The following CTNND2 variants were observed in gnomAD, a reference collection of about 807,000 sequenced individuals.
The protein encoded by CTNND2 is catenin delta 2.
In CTNND2, 22 loss-of-function variants were observed where a neutral mutation model predicts 144.4. The ratio of observed to expected loss-of-function variants is 0.15; its 90% confidence interval spans 0.11 to 0.22. The LOEUF is 0.22. CTNND2 is among the 10% of genes least tolerant of loss of function. The pLI, the probability that CTNND2 is intolerant of heterozygous loss-of-function variation, is 1.00. For synonymous variants in CTNND2, 751 were observed against 695.6 expected (o/e 1.08, Z -1.25); for missense variants, 1,353 against 1,618.8 (o/e 0.84, Z 2.82).
rs184783932 is a variant in CTNND2 at position 11,460,590 on chromosome 5, G to C, written c.288-48521C>G. Among the ~76,000 whole-genome samples the C allele has an allele frequency of 3.1e-3, 474 of 152,190 alleles. 3 individuals carry two copies. Among genetic ancestry groups the C allele is most frequent in the Non-Finnish European group, 5.0e-3 (338 of 68,010 alleles). Reference sequence around the variant, plus strand: ...CTGTGCATTTCTCTGCTTGTTTTTGGATCTGGCCCTTGCTCAGGCTATTCT... The same window carrying C: ...CTGTGCATTTCTCTGCTTGTTTTTGCATCTGGCCCTTGCTCAGGCTATTCT... On this transcript the variant is annotated intron_variant, in intron 3 of 21. Transcript: ENST00000304623.
chr5:11,158,469 A>C (rs1758437948), intron 12 of CTNND2, among the ~76,000 whole-genome samples: 1 of 152,194 alleles, frequency 6.6e-6, no homozygotes, highest in Non-Finnish European at 1.5e-5. Context: ...TTCGTGACTC[A>C]GACGAAAAGC....
chr5:11,572,587 C>T (rs915879266), intron 2 of CTNND2, among the ~76,000 whole-genome samples: 14 of 152,230 alleles, frequency 9.2e-5, no homozygotes, highest in African/African-American at 3.4e-4. Flanking sequence ...CATCCCTCTG[C>T]TCCACTTCAA....
At chr5:11,031,404 G>A (rs899538969) in intron 16 of CTNND2, among the ~76,000 whole-genome samples, 11 of 152,120 alleles carry the variant, frequency 7.2e-5, no homozygotes, top group African/African-American at 2.7e-4. Flanking sequence ...TGAGGGGTGG[G>A]GGATGGGTAG....
intron 2 of CTNND2, among the ~76,000 whole-genome samples, chr5:11,693,676 T>A (rs1785009456): frequency 6.6e-6 from 1 of 152,234 alleles, no homozygotes; most frequent in African/African-American, 2.4e-5. Flanking sequence ...GCTCCATAAA[T>A]ATTTGGAGAA....
intron 3 of CTNND2, among the ~76,000 whole-genome samples, chr5:11,506,711 A>C (rs1771076347): frequency 6.6e-6 from 1 of 152,210 alleles, no homozygotes; most frequent in African/African-American, 2.4e-5. Context: ...TTTATTGTAA[A>C]CACTATGAGG....
chr5:11,525,820 C>G (rs1389642525), intron 3 of CTNND2, among the ~76,000 whole-genome samples: 9 of 152,244 alleles, frequency 5.9e-5, no homozygotes, highest in Admixed American at 5.9e-4. Context: ...TGGTGGCCAC[C>G]TGGTACCCTG....
At chr5:11,678,615 G>A (rs1027133618) in intron 2 of CTNND2, among the ~76,000 whole-genome samples, 1 of 152,138 alleles carries the variant, frequency 6.6e-6, no homozygotes, top group Non-Finnish European at 1.5e-5. Flanking sequence ...AGGGAACTGA[G>A]CTTAACATGA....
chr5:11,767,756 G>A (rs1435596672), intron 1 of CTNND2, among the ~76,000 whole-genome samples: 1 of 152,134 alleles, frequency 6.6e-6, no homozygotes, highest in Non-Finnish European at 1.5e-5. Context: ...AGGCAGTTGA[G>A]GTAAGCTCTG....
At chr5:11,674,471 C>G (rs1298442161) in intron 2 of CTNND2, among the ~76,000 whole-genome samples, 1 of 152,138 alleles carries the variant, frequency 6.6e-6, no homozygotes, top group East Asian at 1.9e-4. Flanking sequence ...TATCAACATC[C>G]CCCACCAAAG....
chr5:11,433,617 G>A (rs1022452994), intron 3 of CTNND2, among the ~76,000 whole-genome samples: 1 of 152,140 alleles, frequency 6.6e-6, no homozygotes, highest in Non-Finnish European at 1.5e-5. Flanking sequence ...TGGTGAGAAC[G>A]GGAGCAAAAG....
chr5:11,288,921 G>C (rs1249649558), intron 9 of CTNND2, among the ~76,000 whole-genome samples: 1 of 152,094 alleles, frequency 6.6e-6, no homozygotes, highest in South Asian at 2.1e-4. Flanking sequence ...GGGGTGCCAA[G>C]GATGTTGTAA....
intron 3 of CTNND2, among the ~76,000 whole-genome samples, chr5:11,520,621 C>G (rs1353608869): frequency 1.3e-5 from 2 of 152,224 alleles, no homozygotes; most frequent in Non-Finnish European, 2.9e-5. Flanking sequence ...ACGCCCAGCC[C>G]TCATCTCATT....
At chr5:11,681,140 G>A (rs1377866663) in intron 2 of CTNND2, among the ~76,000 whole-genome samples, 1 of 152,174 alleles carries the variant, frequency 6.6e-6, no homozygotes, top group Non-Finnish European at 1.5e-5. Context: ...GTTGTGTAAG[G>A]AAGAATAAAC....
chr5:11,018,943 G>A (rs762281722), intron 17 of CTNND2, among the ~76,000 whole-genome samples: 7 of 151,974 alleles, frequency 4.6e-5, no homozygotes, highest in African/African-American at 9.7e-5. Context: ...TCCTGACCTC[G>A]TGATCCACCC....
At chr5:11,044,024 AGTAACTGGCCC>A (rs1744961084) in intron 16 of CTNND2, among the ~76,000 whole-genome samples, 2 of 152,174 alleles carry the variant, frequency 1.3e-5, no homozygotes, top group South Asian at 4.1e-4. Flanking sequence ...CTTGGCTGAG[AGTAACTGGCCC>A]ACAGGCACAG....
chr5:11,128,895 TTACATATATA>T (rs1326596782), intron 12 of CTNND2, among the ~76,000 whole-genome samples: 6 of 55,164 alleles, frequency 1.1e-4, no homozygotes, highest in Non-Finnish European at 2.2e-4. Flanking sequence ...TAAATATATA[TTACATATATA>T]AATATATATA....
chr5:11,318,370 G>A (rs1751707608), intron 9 of CTNND2, among the ~76,000 whole-genome samples: 1 of 152,104 alleles, frequency 6.6e-6, no homozygotes. Flanking sequence ...AAGCCATGCT[G>A]AAGGTTGTCC....
intron 1 of CTNND2, among the ~76,000 whole-genome samples, chr5:11,784,875 G>A (rs764448056): frequency 1.7e-4 from 26 of 152,190 alleles, no homozygotes; most frequent in Non-Finnish European, 3.7e-4. Context: ...GACACCTTAA[G>A]CAGAGGACCA....
At chr5:11,267,036 GC>G (rs1474578360) in intron 9 of CTNND2, among the ~76,000 whole-genome samples, 1 of 152,070 alleles carries the variant, frequency 6.6e-6, no homozygotes, top group Non-Finnish European at 1.5e-5. Flanking sequence ...CCGCCACCAC[GC>G]CCGGCTAATT....
Sources: gnomAD v4.1 joint callset for allele counts (sites outside exome capture counted in the v4.1 genomes callset) on GRCh38, gnomAD v4.1.1 for gene constraint, MANE v1.5 for transcripts, NCBI Gene and HGNC (gene_info 2026-07-23, HGNC 2026-07-21) for gene names.